DMTF1: variants seen among roughly 807,000 people sequenced by gnomAD.
DMTF1 encodes cyclin-D-binding Myb-like transcription factor 1.
Under a neutral mutation model 91.1 loss-of-function variants are expected in DMTF1, and 39 were observed. That is an observed-to-expected ratio of 0.43 (90% confidence interval 0.33 to 0.56). The LOEUF is 0.56. Ranked by LOEUF, DMTF1 falls within the 20% of genes least tolerant of loss-of-function variation. The pLI, the probability that DMTF1 is intolerant of heterozygous loss-of-function variation, is 0.05. For missense variants in DMTF1, 750 were observed against 914.5 expected, an observed-to-expected ratio of 0.82 and a Z score of 2.32; for synonymous variants, 338 against 309.5, an observed-to-expected ratio of 1.09 and a Z score of -0.97.
At chr7:87,169,688 T>C (rs1269647137) in intron 4 of DMTF1, among the ~76,000 whole-genome samples, 1 of 152,224 alleles carries the variant, frequency 6.6e-6, no homozygotes, top group East Asian at 1.9e-4. Context: ...GTGTTTGCGT[T>C]ACTTGATCTG....
At chr7:87,182,389 C>A in intron 10 of DMTF1, 52 bp downstream of exon 10, 1 of 1,569,716 alleles carries the variant, frequency 6.4e-7, no homozygotes, top group Non-Finnish European at 8.8e-7. Flanking sequence ...AAGCCTCCTG[C>A]CCCTTAGGAT....
At chr7:87,170,923 C>T (rs1409253554) in intron 4 of DMTF1, 72 bp from the exon 5 acceptor site, 27 of 977,032 alleles carry the variant, frequency 2.8e-5, no homozygotes, top group Non-Finnish European at 7.9e-6. Context: ...TGTTTTTTTT[C>T]CCATGGATAT....
intron 1 of DMTF1, among the ~76,000 whole-genome samples, chr7:87,157,104 A>G (rs1388052471): frequency 6.6e-6 from 1 of 152,118 alleles, no homozygotes; most frequent in African/African-American, 2.4e-5. Context: ...TTTTTCTTAT[A>G]CTGTATTGGG....
At chr7:87,190,874 A>G (rs1799600570) in intron 13 of DMTF1, 71 bp from the exon 14 acceptor site, 1 of 1,317,352 alleles carries the variant, frequency 7.6e-7, no homozygotes, top group Admixed American at 2.1e-5. Flanking sequence ...TGAGTACACT[A>G]GAGAAACTTA....
chr7:87,181,356 T>A lies in DMTF1; in HGVS notation c.710+15T>A. The stretch of plus-strand genomic sequence containing the variant: ...AAGCTCAAGGAGTAAGTTTTAAAGT[T>A]TTTTTCATTAATTCTAATTTTTTAT... On this transcript the variant is annotated intron_variant, in intron 9 of 17. Coordinates refer to ENST00000331242, the MANE Select transcript of DMTF1 (RefSeq NM_001142327.2). 1 of 1,211,036 alleles carries A rather than the reference T, an allele frequency of 8.3e-7. No individual in the cohort carries two copies. The highest frequency in any genetic ancestry group is 2.1e-5 in the Admixed American group (1 of 47,314). The allele number at this position is 1,211,036 out of a possible 1,614,324, so 75.0% of individuals were successfully genotyped here. A position where few individuals can be genotyped will look rare whatever the true frequency, so the allele number is the denominator to read the frequency against.
At chr7:87,172,917 T>G (rs1486116191) in intron 5 of DMTF1, among the ~76,000 whole-genome samples, 1 of 152,230 alleles carries the variant, frequency 6.6e-6, no homozygotes, top group African/African-American at 2.4e-5. Context: ...ACCATATAGT[T>G]CTTTGAGAGA....
At chr7:87,165,272 A>G (rs1396021014) in intron 3 of DMTF1, among the ~76,000 whole-genome samples, 1 of 90,226 alleles carries the variant, frequency 1.1e-5, no homozygotes, top group Non-Finnish European at 2.8e-5. Flanking sequence ...TGGAATAACT[A>G]TAATATATAC....
intron 1 of DMTF1, among the ~76,000 whole-genome samples, chr7:87,161,415 T>C (rs1304273234): frequency 6.6e-6 from 1 of 152,124 alleles, no homozygotes; most frequent in Non-Finnish European, 1.5e-5. Flanking sequence ...GGCAGGAGAA[T>C]CACTTGAACC....
At chr7:87,160,886 A>T (rs1474990311) in intron 1 of DMTF1, among the ~76,000 whole-genome samples, 1 of 152,160 alleles carries the variant, frequency 6.6e-6, no homozygotes, top group East Asian at 1.9e-4. Context: ...TAGAACTGTA[A>T]TCTAGGCTGT....
At position 87,184,466 on chromosome 7, in the gene DMTF1, G is replaced by A; in HGVS notation, c.890G>A (p.Gly297Asp). The change falls in exon 11 of 18, where the codon GGT (glycine) becomes GAT (aspartate). Residue 297 changes from glycine to aspartate, a missense_variant. Physicochemically the swap from Gly to Asp is moderately conservative, Grantham distance 94. Around this residue, in one of 3 missense-constraint regions of DMTF1, gnomAD observed 190 missense variants for 343.8 expected, o/e 0.55. Coordinates refer to ENST00000331242, the MANE Select transcript of DMTF1 (RefSeq NM_001142327.2). ...VVHELTSTEP[G>D]DIVTQGVSWA... ...CATGAGTTGACAAGCACTGAGCCAG[G>A]TGACATAGTCACACAGGGTGTGTCT... The A allele has an allele frequency of 6.2e-7, 1 of 1,614,018 alleles. No homozygotes were observed.
chr7:87,175,033 T>G (rs1229762678), intron 7 of DMTF1, among the ~76,000 whole-genome samples: 3 of 151,556 alleles, frequency 2.0e-5, no homozygotes, highest in Non-Finnish European at 4.4e-5. Context: ...TGTTTTTTTT[T>G]TTTTTGAGAC....
At chr7:87,183,598 A>G (rs1001387734) in intron 10 of DMTF1, among the ~76,000 whole-genome samples, 7 of 152,194 alleles carry the variant, frequency 4.6e-5, no homozygotes, top group Admixed American at 4.6e-4. Context: ...AATTCAATAA[A>G]CATTTGCTAG....
chr7:87,155,460 T>C (rs192025079), intron 1 of DMTF1: 22 of 152,296 alleles, frequency 1.4e-4, no homozygotes, highest in Admixed American at 5.9e-4. Context: ...TGCAGCTCCT[T>C]TATGTCTCCA....
chr7:87,153,337 A>G (rs1789800308), intron 1 of DMTF1, among the ~76,000 whole-genome samples: 1 of 152,140 alleles, frequency 6.6e-6, no homozygotes, highest in Admixed American at 6.5e-5. Flanking sequence ...GAGTTCCGAG[A>G]AAGTTCTTAA....
chr7:87,172,987 C>T (rs944785198), intron 5 of DMTF1, among the ~76,000 whole-genome samples: 20 of 152,140 alleles, frequency 1.3e-4, no homozygotes, highest in African/African-American at 3.1e-4. Flanking sequence ...AAACAATAAG[C>T]GGACAGTGAT....
At chr7:87,174,308 T>A (rs1385449814) in intron 6 of DMTF1, among the ~76,000 whole-genome samples, 2 of 151,832 alleles carry the variant, frequency 1.3e-5, no homozygotes, top group Non-Finnish European at 2.9e-5. Flanking sequence ...TATAAGTTTC[T>A]TTTTAGCTGT....
chr7:87,175,083 G>A (rs1336821015), intron 7 of DMTF1, among the ~76,000 whole-genome samples: 3 of 150,136 alleles, frequency 2.0e-5, no homozygotes, highest in Non-Finnish European at 3.0e-5. Flanking sequence ...CAGTGGCACA[G>A]TCTCAGCTCA....
chr7:87,183,462 G>C (rs929120696), intron 10 of DMTF1, among the ~76,000 whole-genome samples: 9 of 152,170 alleles, frequency 5.9e-5, no homozygotes, highest in Non-Finnish European at 7.4e-5. Context: ...CTGCTGATGA[G>C]GCCATGCCAT....
chr7:87,158,643 C>T (rs997904354), intron 1 of DMTF1, among the ~76,000 whole-genome samples: 18 of 151,976 alleles, frequency 1.2e-4, no homozygotes, highest in African/African-American at 2.7e-4. Flanking sequence ...ACTGTTGAAA[C>T]GTACCACCTA....
Sources: allele counts gnomAD v4.1 joint callset (sites outside exome capture counted in the v4.1 genomes callset), GRCh38; gene constraint gnomAD v4.1.1; regional missense constraint gnomAD v4.1.1; transcripts MANE v1.5; gene names NCBI Gene and HGNC (gene_info 2026-07-23, HGNC 2026-07-21).